The following RGS7 variants were observed in gnomAD, a reference collection of about 807,000 sequenced individuals.
The protein encoded by RGS7 is regulator of G protein signaling 7, also known as regulator of G-protein signaling 7.
RGS7 carries 27 observed loss-of-function variants against 81.1 expected under a neutral mutation model. The ratio of observed to expected loss-of-function variants is 0.33; its 90% CI spans 0.25 to 0.46. RGS7 has a LOEUF of 0.46. Among genes scored for constraint, RGS7 ranks in the 20% least tolerant of loss-of-function variants. RGS7 has a pLI of 1.00. For synonymous variants in RGS7, 208 were observed against 207.7 expected (o/e 1.00, Z -0.01); for missense variants, 396 against 607.4 (o/e 0.65, Z 3.66).
At chr1:241,087,972 C>CTA (rs1348702577) in intron 3 of RGS7, among the ~76,000 whole-genome samples, 24 of 90,560 alleles carry the variant, frequency 2.7e-4, no homozygotes, top group African/African-American at 7.5e-4. Context: ...CTCTCTCTCT[C>CTA]TCTCTATATA....
chr1:241,023,390 C>G (rs1035350045), intron 3 of RGS7, among the ~76,000 whole-genome samples: 7 of 152,196 alleles, frequency 4.6e-5, no homozygotes, highest in Admixed American at 6.5e-5. Context: ...CTGTCCTTCT[C>G]AAGGACCTGA....
At chr1:241,150,725 G>A (rs2068686198) in intron 2 of RGS7, among the ~76,000 whole-genome samples, 1 of 152,202 alleles carries the variant, frequency 6.6e-6, no homozygotes, top group South Asian at 2.1e-4. Context: ...ATAGATGTGA[G>A]GGAATTTATT....
chr1:240,829,908 A>C (rs1331360802), intron 9 of RGS7, among the ~76,000 whole-genome samples: 1 of 152,192 alleles, frequency 6.6e-6, no homozygotes, highest in Non-Finnish European at 1.5e-5. Context: ...ATATCCAGGA[A>C]AAGGAAAGCA....
chr1:241,061,017 G>A (rs1052565484), intron 3 of RGS7, among the ~76,000 whole-genome samples: 3 of 152,256 alleles, frequency 2.0e-5, no homozygotes, highest in East Asian at 1.9e-4. Context: ...ACCTGCTCCC[G>A]CTACCTGTCT....
intron 3 of RGS7, among the ~76,000 whole-genome samples, chr1:241,015,515 C>A (rs371300238): frequency 9.9e-5 from 15 of 152,208 alleles, no homozygotes; most frequent in African/African-American, 3.4e-4. Context: ...TTCATAGAAG[C>A]ATTTATAAAC....
At chr1:241,270,408 T>C (rs889741225) in intron 2 of RGS7, among the ~76,000 whole-genome samples, 1 of 152,242 alleles carries the variant, frequency 6.6e-6, no homozygotes, top group Non-Finnish European at 1.5e-5. Flanking sequence ...TCTCTTTTAA[T>C]GATCTTGAGG....
intron 4 of RGS7, among the ~76,000 whole-genome samples, chr1:240,954,497 C>G (rs183970336): frequency 6.6e-6 from 1 of 151,826 alleles, no homozygotes; most frequent in Admixed American, 6.6e-5. Flanking sequence ...AAAACTTATA[C>G]GATCATATCA....
intron 2 of RGS7, among the ~76,000 whole-genome samples, chr1:241,270,919 C>CT (rs397762581): frequency 2.0e-5 from 3 of 151,580 alleles, no homozygotes; most frequent in African/African-American, 4.8e-5. Context: ...CCACCACGCC[C>CT]GCTAATTTTT....
At chr1:241,190,078 G>A (rs2072512747) in intron 2 of RGS7, among the ~76,000 whole-genome samples, 1 of 151,206 alleles carries the variant, frequency 6.6e-6, no homozygotes, top group South Asian at 2.1e-4. Flanking sequence ...ACTCCAGCCT[G>A]GGCGACAGAG....
chr1:241,169,990 T>G (rs7518095), intron 2 of RGS7, among the ~76,000 whole-genome samples: 97,335 of 150,200 alleles, frequency 0.65, 31,829 homozygotes, highest in East Asian at 0.81. Flanking sequence ...CTTAGAGACA[T>G]CCCTGATGAA....
chr1:241,350,244 ATG>A, intron 2 of RGS7, among the ~76,000 whole-genome samples: 1 of 152,346 alleles, frequency 6.6e-6, no homozygotes, highest in African/African-American at 2.4e-5. Flanking sequence ...GGAAATATCA[ATG>A]ATGGTCCTAT....
Position 241,028,492 on chromosome 1 carries a change from G to A in RGS7, c.176-45363C>T, listed in dbSNP as rs545842337. ...GCACAGTACACAGCCCCAGGCCACTGGGTTCACTTCATCATTAGTTTTTGT... is the reference window on the plus strand; with the variant it reads ...GCACAGTACACAGCCCCAGGCCACTAGGTTCACTTCATCATTAGTTTTTGT... On this transcript the variant is annotated intron_variant, in intron 3 of 18. Transcript: ENST00000440928. Among the ~76,000 whole-genome samples, 69 of 152,244 alleles carry A rather than the reference G, an allele frequency of 4.5e-4. No homozygotes were observed. The Middle Eastern group carries it at 0.01, about 23-fold the overall frequency.
chr1:240,848,666 A>G (rs1659539922), intron 9 of RGS7, among the ~76,000 whole-genome samples: 1 of 152,062 alleles, frequency 6.6e-6, no homozygotes, highest in Non-Finnish European at 1.5e-5. Context: ...CTAACAAGAA[A>G]TGCATGAGAC....
At chr1:241,244,924 A>G (rs2076446003) in intron 2 of RGS7, among the ~76,000 whole-genome samples, 1 of 134,618 alleles carries the variant, frequency 7.4e-6, no homozygotes, top group South Asian at 2.5e-4. Flanking sequence ...ATATGGACAC[A>G]GGAAGGGGAA....
chr1:241,045,670 G>A (rs1036119423), intron 3 of RGS7, among the ~76,000 whole-genome samples: 1 of 152,078 alleles, frequency 6.6e-6, no homozygotes, highest in African/African-American at 2.4e-5. Context: ...GGCCTGTCTA[G>A]GTATCACTGA....
intron 3 of RGS7, among the ~76,000 whole-genome samples, chr1:241,005,858 A>C (rs2058667444): frequency 1.3e-5 from 2 of 152,124 alleles, no homozygotes; most frequent in Non-Finnish European, 1.5e-5. Flanking sequence ...TTTGCTCAAC[A>C]TACTGCTTTT....
chr1:241,083,136 G>A (rs2063234278), intron 3 of RGS7, among the ~76,000 whole-genome samples: 1 of 151,176 alleles, frequency 6.6e-6, no homozygotes, highest in Admixed American at 6.6e-5. Context: ...GAGGCAGAAG[G>A]CTTGCTTGAA....
intron 2 of RGS7, among the ~76,000 whole-genome samples, chr1:241,140,856 A>G (rs903399758): frequency 6.6e-6 from 1 of 152,166 alleles, no homozygotes; most frequent in African/African-American, 2.4e-5. Context: ...CTAATGATTA[A>G]CTTAAAGTAG....
intron 2 of RGS7, chr1:241,305,913 C>T (rs1012640984): frequency 1.2e-4 from 21 of 177,442 alleles, no homozygotes; most frequent in East Asian, 1.7e-4. Flanking sequence ...CGAGGGCCGC[C>T]GCAGAGGACC....
Sources: gnomAD v4.1 joint callset for allele counts (sites outside exome capture counted in the v4.1 genomes callset) on GRCh38, gnomAD v4.1.1 for gene constraint, MANE v1.5 for transcripts, NCBI Gene and HGNC (gene_info 2026-07-23, HGNC 2026-07-21) for gene names.